Variants in PDZK1IP1 observed in about 807,000 individuals in gnomAD.
PDZK1IP1 encodes the protein PDZK1 interacting protein 1.
A neutral mutation model predicts 14.7 loss-of-function variants in PDZK1IP1; 9 were observed. That is an observed-to-expected ratio of 0.61 (90% CI 0.37 to 1.07). The LOEUF is 1.07. Ranked by LOEUF, PDZK1IP1 falls within the 50% of genes least tolerant of loss-of-function variation. The pLI, the probability that PDZK1IP1 is intolerant of heterozygous loss-of-function variation, is 0.01. For missense variants in PDZK1IP1, 152 were observed against 148.7 expected (o/e 1.02, Z -0.11); for synonymous variants, 70 against 61.2 (o/e 1.14, Z -0.67).
Position 47,185,101 on chromosome 1 carries a change from G to C in PDZK1IP1, c.177-4C>G. 6.2e-7 allele frequency: 1 copy of C among 1,612,124 alleles called. No homozygotes were observed. Among genetic ancestry groups the C allele is most frequent in the Non-Finnish European group, 8.5e-7 (1 of 1,179,068 alleles). On this transcript the variant is annotated splice_polypyrimidine_tract_variant and splice_region_variant and intron_variant, in intron 2 of 3. Transcript: ENST00000294338. ...CAGGATCATGTGTGCAGGCTCCCTG[G>C]GGATGGGATTCATCAGTGGGGCTCC...
In PDZK1IP1 at chr1:47,185,488, T is replaced by C. The variant is rs79870429; in HGVS notation, c.177-391A>G. 2,162 of 236,340 alleles carry C rather than the reference T, an allele frequency of 9.1e-3. 47 individuals are homozygous for C. The highest frequency in any genetic ancestry group is 0.046 in the African/African-American group (2,058 of 44,308). 14.6% of individuals were successfully genotyped at this position (236,340 alleles called of 1,614,324 possible). On this transcript the variant is annotated intron_variant, in intron 2 of 3. Transcript: ENST00000294338. ...AGCTGGGGCAGGTGGAGAAAGTCTA[T>C]CTGAAGGGCATTCAACAACAACCTT...
At chr1:47,186,452 C>T (rs761615654) in intron 2 of PDZK1IP1, among the ~76,000 whole-genome samples, 2 of 152,258 alleles carry the variant, frequency 1.3e-5, no homozygotes, top group Non-Finnish European at 2.9e-5. Context: ...GTCTCCATCC[C>T]TGTCTCCACC....
At chr1:47,186,935 A>G (rs2148573090) in intron 2 of PDZK1IP1, among the ~76,000 whole-genome samples, 1 of 152,224 alleles carries the variant, frequency 6.6e-6, no homozygotes, top group East Asian at 1.9e-4. Flanking sequence ...CCCTCTCTGT[A>G]CCACAGCTGA....
chr1:47,184,784 C>T (rs1180121923), intron 3 of PDZK1IP1, among the ~76,000 whole-genome samples: 2 of 150,962 alleles, frequency 1.3e-5, no homozygotes, highest in African/African-American at 4.9e-5. Context: ...TGAACCCTAC[C>T]CTACCAAGTC....
rs1389869723 is a variant in PDZK1IP1 at position 47,189,768 on chromosome 1, C to T, written c.67+98G>A. The stretch of plus-strand genomic sequence containing the variant: ...TTCAGCTAGCGCAGTCCCTGCTCCC[C>T]CTCCAAACTGTAAGTATCAAGGCCC... On this transcript the variant is annotated intron_variant, in intron 1 of 3. Transcript: ENST00000294338. 7 of 857,076 alleles carry T rather than the reference C, an allele frequency of 8.2e-6. No homozygotes were observed. The Admixed American group carries it at 1.8e-4, about 22-fold the overall frequency. 53.1% of individuals were successfully genotyped at this position (857,076 alleles called of 1,614,324 possible).
Position 47,183,900 on chromosome 1 carries a change from G to T in PDZK1IP1, c.*71C>A. 1 of 1,262,130 alleles carries T rather than the reference G, an allele frequency of 7.9e-7. No homozygotes were observed. Among genetic ancestry groups the T allele is most frequent in the South Asian group, 1.3e-5 (1 of 78,180 alleles). 78.2% of individuals were successfully genotyped at this position (1,262,130 alleles called of 1,614,324 possible). On this transcript the variant is annotated 3_prime_UTR_variant, in exon 4 of 4. Transcript: ENST00000294338. Reference sequence around the variant, plus strand: ...TGCAGATTCCACACAAAGAAGGAGGGGGCTTGGGTGGTAGCACTGGACATC... The same window carrying T: ...TGCAGATTCCACACAAAGAAGGAGGTGGCTTGGGTGGTAGCACTGGACATC...
intron 1 of PDZK1IP1, among the ~76,000 whole-genome samples, chr1:47,189,513 A>G (rs1645340129): frequency 6.6e-6 from 1 of 152,166 alleles, no homozygotes; most frequent in East Asian, 1.9e-4. Flanking sequence ...GGCCGAGACA[A>G]AGCCCAAGTC....
intron 1 of PDZK1IP1, 30 bp downstream of exon 1, chr1:47,189,836 C>T (rs748005103): frequency 1.9e-6 from 3 of 1,556,092 alleles, no homozygotes; most frequent in Non-Finnish European, 2.6e-6. Context: ...CCCTGGGTCT[C>T]CCGTGCCCAG....
chr1:47,188,697 A>T (rs943306714), intron 1 of PDZK1IP1, among the ~76,000 whole-genome samples: 1 of 152,192 alleles, frequency 6.6e-6, no homozygotes, highest in Non-Finnish European at 1.5e-5. Context: ...ATTGGGAAGG[A>T]GGAAGGAGGC....
chr1:47,185,426 C>G (rs916163563), intron 2 of PDZK1IP1: 1 of 329,748 alleles, frequency 3.0e-6, no homozygotes, highest in Non-Finnish European at 5.8e-6. Flanking sequence ...GTGCCTTGGG[C>G]AGTGGGCACA....
intron 1 of PDZK1IP1, among the ~76,000 whole-genome samples, chr1:47,188,392 G>C (rs1645332581): frequency 6.6e-6 from 1 of 152,166 alleles, no homozygotes; most frequent in Non-Finnish European, 1.5e-5. Context: ...CTTCCCCAAA[G>C]GACTTTCCTC....
At chr1:47,185,878 C>G (rs1484493639) in intron 2 of PDZK1IP1, among the ~76,000 whole-genome samples, 1 of 152,136 alleles carries the variant, frequency 6.6e-6, no homozygotes, top group East Asian at 1.9e-4. Context: ...TCCAGACCCC[C>G]TCCTGACCTC....
chr1:47,185,499 T>C (rs1331289668), intron 2 of PDZK1IP1, among the ~76,000 whole-genome samples: 2 of 152,046 alleles, frequency 1.3e-5, no homozygotes. Context: ...CTGAAGGGCA[T>C]TCAACAACAA....
chr1:47,185,644 G>C (rs1164285700), intron 2 of PDZK1IP1, among the ~76,000 whole-genome samples: 1 of 152,108 alleles, frequency 6.6e-6, no homozygotes, highest in African/African-American at 2.4e-5. Flanking sequence ...AGGCACCCCA[G>C]ACTTAATATG....
intron 1 of PDZK1IP1, 109 bp from the exon 2 acceptor site, chr1:47,187,536 G>T (rs1276487494): frequency 1.2e-6 from 1 of 813,708 alleles, no homozygotes; most frequent in Non-Finnish European, 2.0e-6. Context: ...AAGGCCCTCA[G>T]CCAGCTGCCA....
chr1:47,184,495 G>A (rs1295997219), intron 3 of PDZK1IP1, among the ~76,000 whole-genome samples: 6 of 5,348 alleles, frequency 1.1e-3, no homozygotes, highest in African/African-American at 2.3e-3. Context: ...ATCCCCCACT[G>A]AACCCATCCC....
At chr1:47,187,070 C>T (rs1036487321) in intron 2 of PDZK1IP1, among the ~76,000 whole-genome samples, 16 of 152,252 alleles carry the variant, frequency 1.1e-4, no homozygotes, top group Admixed American at 1.3e-4. Context: ...CCAAAACTCA[C>T]AGGGAGTGGG....
At chr1:47,185,185 C>T (rs993089173) in intron 2 of PDZK1IP1, 88 bp from the exon 3 acceptor site, 17 of 999,166 alleles carry the variant, frequency 1.7e-5, no homozygotes, top group Middle Eastern at 2.0e-4. Flanking sequence ...CTCACAAGCC[C>T]GAAGGCTAGC....
At chr1:47,189,328 C>A (rs576523656) in intron 1 of PDZK1IP1, among the ~76,000 whole-genome samples, 4 of 152,290 alleles carry the variant, frequency 2.6e-5, no homozygotes, top group Admixed American at 1.3e-4. Flanking sequence ...TGGCAGCAGC[C>A]CTGGGAGGTG....
Sources: gnomAD v4.1 joint callset for allele counts (sites outside exome capture counted in the v4.1 genomes callset) on GRCh38, gnomAD v4.1.1 for gene constraint, MANE v1.5 for transcripts, NCBI Gene and HGNC (gene_info 2026-07-23, HGNC 2026-07-21) for gene names.